Variants in NAV2 observed in about 807,000 individuals in gnomAD.
NAV2 encodes neuron navigator 2.
NAV2 carries 54 observed loss-of-function variants against 223.2 expected under a neutral mutation model. The ratio of observed to expected loss-of-function variants is 0.24; its 90% confidence interval spans 0.19 to 0.30. The LOEUF is 0.30. Ranked by LOEUF, NAV2 falls within the 10% of genes least tolerant of loss-of-function variation. The probability of loss-of-function intolerance (pLI) is 1.00; values close to 1 mark genes in which losing one functional copy is unlikely to be tolerated. For missense variants in NAV2, 2,806 were observed against 3,147.5 expected, an observed-to-expected ratio of 0.89 and a Z score of 2.60; for synonymous variants, 1,279 against 1,239.3, an observed-to-expected ratio of 1.03 and a Z score of -0.67.
intron 10 of NAV2, among the ~76,000 whole-genome samples, chr11:19,961,561 A>C (rs2048352432): frequency 6.6e-6 from 1 of 152,202 alleles, no homozygotes; most frequent in Non-Finnish European, 1.5e-5. Flanking sequence ...TTCTGGAAGA[A>C]ATGTACAATG....
intron 26 of NAV2, among the ~76,000 whole-genome samples, chr11:20,086,513 A>G (rs1400054428): frequency 6.6e-6 from 1 of 151,834 alleles, no homozygotes; most frequent in African/African-American, 2.4e-5. Flanking sequence ...ATTTTTCCCC[A>G]TTGCACATGT....
chr11:19,705,758 G>C (rs1029846554), intron 1 of NAV2, among the ~76,000 whole-genome samples: 1 of 152,120 alleles, frequency 6.6e-6, no homozygotes, highest in African/African-American at 2.4e-5. Context: ...AGCAGGCTTT[G>C]TTGCTATTTT....
At chr11:19,972,397 C>A (rs1488000450) in intron 10 of NAV2, among the ~76,000 whole-genome samples, 1 of 152,178 alleles carries the variant, frequency 6.6e-6, no homozygotes, top group Admixed American at 6.5e-5. Flanking sequence ...CGATAGTCAC[C>A]TAGTTTTGCT....
intron 11 of NAV2, among the ~76,000 whole-genome samples, chr11:20,012,206 G>A (rs1270817229): frequency 6.6e-6 from 1 of 152,220 alleles, no homozygotes; most frequent in Non-Finnish European, 1.5e-5. Context: ...AGTTTACATT[G>A]TGCTCTGAAT....
chr11:19,972,902 C>G (rs768634858), intron 10 of NAV2, among the ~76,000 whole-genome samples: 1 of 152,222 alleles, frequency 6.6e-6, no homozygotes, highest in Non-Finnish European at 1.5e-5. Flanking sequence ...TAAACATAGG[C>G]CTCCTCTGGG....
intron 1 of NAV2, among the ~76,000 whole-genome samples, chr11:19,462,390 G>A (rs1728973438): frequency 6.6e-6 from 1 of 152,192 alleles, no homozygotes; most frequent in South Asian, 2.1e-4. Context: ...GGGAAGCTGA[G>A]ATTCAGAGAG....
At chr11:19,586,807 T>C (rs2045913322) in intron 1 of NAV2, among the ~76,000 whole-genome samples, 1 of 152,218 alleles carries the variant, frequency 6.6e-6, no homozygotes, top group Admixed American at 6.5e-5. Context: ...TGCCTCCCAG[T>C]TAGGCTACTT....
Position 20,044,142 on chromosome 11 carries a change from G to C in NAV2, c.3069G>C (p.Thr1023=), listed in dbSNP as rs373532400. The C allele has an allele frequency of 6.2e-7, 1 of 1,614,186 alleles. No individual in the cohort carries two copies. Among genetic ancestry groups the C allele is most frequent in the East Asian group, 2.2e-5 (1 of 44,876 alleles). ...SDVSDESDKS[T]SGKKNPVISQ... Reference sequence around the variant, plus strand: ...TGTCTGACGAGTCCGACAAAAGCACGTCGGGCAAGAAGAATCCTGTCATCT... The same window carrying C: ...TGTCTGACGAGTCCGACAAAAGCACCTCGGGCAAGAAGAATCCTGTCATCT... Residue 1023 remains threonine (T), a synonymous_variant, in exon 13 of 38, where the codon ACG becomes ACC. Transcript: ENST00000349880.
At chr11:20,067,755 ACTGGGATGT>A (rs1160629041) in intron 20 of NAV2, among the ~76,000 whole-genome samples, 1 of 150,754 alleles carries the variant, frequency 6.6e-6, no homozygotes, top group Non-Finnish European at 1.5e-5. Context: ...CTCCCAAAGT[ACTGGGATGT>A]CAGGCATGAG....
At chr11:19,584,463 T>G (rs2045826414) in intron 1 of NAV2, among the ~76,000 whole-genome samples, 1 of 152,166 alleles carries the variant, frequency 6.6e-6, no homozygotes, top group African/African-American at 2.4e-5. Flanking sequence ...TCTTTTCATT[T>G]TGATGTTAGG....
At chr11:19,466,310 A>AT (rs1852348458) in intron 1 of NAV2, among the ~76,000 whole-genome samples, 1 of 152,014 alleles carries the variant, frequency 6.6e-6, no homozygotes, top group African/African-American at 2.4e-5. Context: ...ACAATCCCTT[A>AT]TTTTCTCTAC....
At chr11:19,522,253 T>C (rs997221162) in intron 1 of NAV2, among the ~76,000 whole-genome samples, 1 of 128,172 alleles carries the variant, frequency 7.8e-6, no homozygotes, top group Non-Finnish European at 1.7e-5. Flanking sequence ...TGAAGCCACA[T>C]TGCACCCCTC....
intron 1 of NAV2, among the ~76,000 whole-genome samples, chr11:19,566,423 T>C (rs1906218): frequency 0.96 from 146,189 of 152,316 alleles, 70,431 homozygotes; most frequent in Middle Eastern, 1. Flanking sequence ...AAGCAAATGA[T>C]CTCCAGTTTG....
At chr11:19,592,762 A>G (rs527275390) in intron 1 of NAV2, among the ~76,000 whole-genome samples, 35 of 152,344 alleles carry the variant, frequency 2.3e-4, no homozygotes, top group African/African-American at 7.9e-4. Context: ...ATAAAATAAT[A>G]GTAATGAGAG....
chr11:19,801,441 G>A (rs1366217126), intron 1 of NAV2, among the ~76,000 whole-genome samples: 1 of 152,226 alleles, frequency 6.6e-6, no homozygotes, highest in African/African-American at 2.4e-5. Context: ...ATTGCTAAAC[G>A]ATACAAAGTG....
At chr11:19,364,502 C>A (rs1439445910) in intron 1 of NAV2, among the ~76,000 whole-genome samples, 2 of 152,184 alleles carry the variant, frequency 1.3e-5, no homozygotes, top group African/African-American at 4.8e-5. Context: ...AGTGTCACCC[C>A]CTCTGTCTCT....
At chr11:19,921,679 A>G in intron 6 of NAV2, among the ~76,000 whole-genome samples, 1 of 152,216 alleles carries the variant, frequency 6.6e-6, no homozygotes, top group East Asian at 1.9e-4. Flanking sequence ...TGCAACTTAC[A>G]TGTGTGGACT....
chr11:19,488,750 A>G (rs1202606047), intron 1 of NAV2, among the ~76,000 whole-genome samples: 1 of 152,286 alleles, frequency 6.6e-6, no homozygotes, highest in Non-Finnish European at 1.5e-5. Flanking sequence ...TATTATTGAC[A>G]TAATTATATA....
At chr11:20,082,433 G>T (rs1224448054) in intron 25 of NAV2, among the ~76,000 whole-genome samples, 2 of 152,276 alleles carry the variant, frequency 1.3e-5, no homozygotes, top group Non-Finnish European at 2.9e-5. Flanking sequence ...TGCTTTTAAA[G>T]ATTTGTGTTC....
Sources: allele counts gnomAD v4.1 joint callset (sites outside exome capture counted in the v4.1 genomes callset), GRCh38; gene constraint gnomAD v4.1.1; transcripts MANE v1.5; gene names NCBI Gene and HGNC (gene_info 2026-07-23, HGNC 2026-07-21).